The following RGS7 variants were observed in gnomAD, a reference collection of about 807,000 sequenced individuals.
RGS7 encodes regulator of G-protein signaling 7.
A neutral mutation model predicts 81.1 loss-of-function variants in RGS7; 27 were observed. The observed-to-expected ratio is 0.33, with a 90% CI of 0.25 to 0.46. The LOEUF (loss-of-function observed/expected upper bound fraction) is 0.46, where lower values mean the gene tolerates loss of function less well. RGS7 is among the 20% of genes least tolerant of loss of function. The probability of loss-of-function intolerance (pLI) is 1.00; values close to 1 mark genes in which losing one functional copy is unlikely to be tolerated. For missense variants in RGS7, 396 were observed against 607.4 expected (o/e 0.65, Z 3.66); for synonymous variants, 208 against 207.7 (o/e 1.00, Z -0.01).
intron 9 of RGS7, among the ~76,000 whole-genome samples, chr1:240,842,721 A>G (rs2147887460): frequency 6.6e-6 from 1 of 152,120 alleles, no homozygotes; most frequent in South Asian, 2.1e-4. Context: ...CCAGACCAAT[A>G]CGTTGGAGTT....
intron 2 of RGS7, among the ~76,000 whole-genome samples, chr1:241,159,482 C>T (rs2069452962): frequency 6.8e-6 from 1 of 147,940 alleles, no homozygotes; most frequent in South Asian, 2.1e-4. Context: ...GAAATATAGC[C>T]CTTCCTTCCT....
chr1:241,351,819 T>C (rs1232431164), intron 2 of RGS7, among the ~76,000 whole-genome samples: 2 of 152,170 alleles, frequency 1.3e-5, no homozygotes, highest in Non-Finnish European at 2.9e-5. Flanking sequence ...TGCAGTAAGA[T>C]AATGAATGAG....
intron 5 of RGS7, among the ~76,000 whole-genome samples, chr1:240,933,108 T>A (rs1312710661): frequency 6.6e-6 from 1 of 150,906 alleles, no homozygotes; most frequent in Non-Finnish European, 1.5e-5. Context: ...GGTCTCCATC[T>A]CCTGACCTCG....
intron 3 of RGS7, among the ~76,000 whole-genome samples, chr1:240,993,167 GGGAAAGAAAGAA>G (rs1686755314): frequency 7.1e-6 from 1 of 141,840 alleles, no homozygotes; most frequent in Non-Finnish European, 1.5e-5. Flanking sequence ...AAGGAAGGGA[GGGAAAGAAAGAA>G]GGAAAGAAAG....
chr1:241,333,417 T>C (rs2082076480), intron 2 of RGS7, among the ~76,000 whole-genome samples: 2 of 152,212 alleles, frequency 1.3e-5, no homozygotes, highest in Non-Finnish European at 2.9e-5. Context: ...GACATCTAGA[T>C]AAGGCCAGGC....
intron 6 of RGS7, among the ~76,000 whole-genome samples, chr1:240,920,785 A>G (rs1419706270): frequency 6.6e-6 from 1 of 152,146 alleles, no homozygotes; most frequent in Admixed American, 6.6e-5. Context: ...TGAGGACTGT[A>G]TTTGTGACTA....
chr1:240,965,532 G>C (rs373365395), intron 4 of RGS7, among the ~76,000 whole-genome samples: 2 of 152,178 alleles, frequency 1.3e-5, no homozygotes, highest in African/African-American at 4.8e-5. Context: ...TAAAGCAGAC[G>C]AATATTTGAC....
At chr1:240,803,420 G>T (rs1230570214) in intron 15 of RGS7, among the ~76,000 whole-genome samples, 1 of 151,994 alleles carries the variant, frequency 6.6e-6, no homozygotes, top group Non-Finnish European at 1.5e-5. Flanking sequence ...TTACTGGGAG[G>T]GTGCCAACTA....
At chr1:240,790,119 C>T (rs1273993011) in intron 18 of RGS7, among the ~76,000 whole-genome samples, 1 of 152,052 alleles carries the variant, frequency 6.6e-6, no homozygotes, top group Non-Finnish European at 1.5e-5. Flanking sequence ...GTAATCCAAG[C>T]TATTTGGGAG....
At chr1:240,840,459 G>C (rs1476830252) in intron 9 of RGS7, among the ~76,000 whole-genome samples, 4 of 152,110 alleles carry the variant, frequency 2.6e-5, no homozygotes, top group African/African-American at 4.8e-5. Flanking sequence ...TTTTAGTAGA[G>C]AGACAGGGTT....
chr1:241,182,313 A>T (rs1017497992), intron 2 of RGS7, among the ~76,000 whole-genome samples: 2 of 152,168 alleles, frequency 1.3e-5, no homozygotes, highest in Admixed American at 6.5e-5. Context: ...AGAATAAAAA[A>T]TCATACTCCA....
chr1:241,171,037 G>GA (rs1308382439), intron 2 of RGS7, among the ~76,000 whole-genome samples: 1 of 151,928 alleles, frequency 6.6e-6, no homozygotes, highest in African/African-American at 2.4e-5. Context: ...TAATCATCAG[G>GA]AAAAAAATTA....
intron 3 of RGS7, among the ~76,000 whole-genome samples, chr1:241,046,465 T>C (rs574417800): frequency 2.0e-4 from 30 of 152,376 alleles, no homozygotes; most frequent in African/African-American, 7.0e-4. Flanking sequence ...GTTTCCTTAG[T>C]TAGCCAAAGG....
At chr1:241,202,057 C>T (rs2073562250) in intron 2 of RGS7, among the ~76,000 whole-genome samples, 1 of 150,610 alleles carries the variant, frequency 6.6e-6, no homozygotes, top group African/African-American at 2.4e-5. Context: ...CAGAGACACC[C>T]TAATTGGGTT....
chr1:241,022,437 T>G (rs1352974911), intron 3 of RGS7, among the ~76,000 whole-genome samples: 3 of 152,160 alleles, frequency 2.0e-5, no homozygotes, highest in Non-Finnish European at 4.4e-5. Context: ...GACTAGAAAT[T>G]ATAGTTTAGG....
chr1:240,778,306 T>C (rs1249062579), intron 18 of RGS7, among the ~76,000 whole-genome samples: 1 of 152,226 alleles, frequency 6.6e-6, no homozygotes, highest in Non-Finnish European at 1.5e-5. Flanking sequence ...ATTCAGTTCA[T>C]AGCAGCCACA....
At chr1:240,863,410 G>A (rs561663610) in intron 9 of RGS7, among the ~76,000 whole-genome samples, 1 of 152,250 alleles carries the variant, frequency 6.6e-6, no homozygotes, top group South Asian at 2.1e-4. Context: ...GGGAGGTGGA[G>A]GTTGCAGTGA....
rs1430618768 is a variant in RGS7 at position 240,800,701 on chromosome 1, G to A, written c.1434C>T (p.Phe478=). Residue 478 remains phenylalanine, a synonymous_variant, in exon 18 of 19, where the codon TTC becomes TTT. Transcript: ENST00000440928. ...AQNVGRNIPI[F]PCHKNCTPTL... is the part of the protein sequence containing the mutation. ...TTGGTGTACAGTTTTTATGGCATGG[G>A]AAAATAGGGATGTTTCTGCCCTATA... The A allele has an allele frequency of 1.3e-6, 2 of 1,545,754 alleles. No individual in the cohort carries two copies. The highest frequency in any genetic ancestry group is 1.7e-6 in the Non-Finnish European group (2 of 1,143,174).
At chr1:241,205,926 C>T (rs2073848702) in intron 2 of RGS7, among the ~76,000 whole-genome samples, 1 of 151,980 alleles carries the variant, frequency 6.6e-6, no homozygotes, top group Admixed American at 6.6e-5. Flanking sequence ...AGACAGCTGA[C>T]TTGTTAGAAC....
Sources: allele counts gnomAD v4.1 joint callset (sites outside exome capture counted in the v4.1 genomes callset), GRCh38; gene constraint gnomAD v4.1.1; transcripts MANE v1.5; gene names NCBI Gene and HGNC (gene_info 2026-07-23, HGNC 2026-07-21).